The following LYRM4 variants were observed in gnomAD, a reference collection of about 807,000 sequenced individuals.
LYRM4 encodes LYR motif-containing protein 4.
LYRM4 carries 9 observed loss-of-function variants against 11.7 expected under a neutral mutation model. The ratio of observed to expected loss-of-function variants is 0.77; its 90% CI spans 0.46 to 1.34. The LOEUF is 1.34. Ranked by LOEUF, LYRM4 falls within the 40% of genes most tolerant of loss-of-function variation. The pLI, the probability that LYRM4 is intolerant of heterozygous loss-of-function variation, is 0.00. For synonymous variants in LYRM4, 42 were observed against 40.4 expected (o/e 1.04, Z -0.15); for missense variants, 133 against 112.5 (o/e 1.18, Z -0.82).
At chr6:5,135,591 C>T (rs1384958921) in intron 2 of LYRM4, among the ~76,000 whole-genome samples, 1 of 151,072 alleles carries the variant, frequency 6.6e-6, no homozygotes, top group Non-Finnish European at 1.5e-5. Flanking sequence ...GGGAATGGAA[C>T]TGGCTCCCTA....
chr6:5,196,160 GCCTCTGCCCAGGGCAGTGGACTC>G (rs1761042219), intron 2 of LYRM4, among the ~76,000 whole-genome samples: 2 of 152,186 alleles, frequency 1.3e-5, no homozygotes, highest in Non-Finnish European at 2.9e-5. Flanking sequence ...CCGCAGCACT[GCCTCTGCCCAGGGCAGTGGACTC>G]CCTCTGCCTT....
intron 1 of LYRM4, among the ~76,000 whole-genome samples, chr6:5,231,930 TTG>T (rs1190255939): frequency 6.6e-6 from 1 of 152,206 alleles, no homozygotes; most frequent in African/African-American, 2.4e-5. Flanking sequence ...CAGTAGGTGT[TTG>T]TGTGTTAGGA....
chr6:5,055,026 A>G, the LYRM4 span, among the ~76,000 whole-genome samples: 1 of 152,124 alleles, frequency 6.6e-6, no homozygotes, highest in Non-Finnish European at 1.5e-5. This position sits in a 1 kb window ranked among gnomAD's most constrained non-coding sequence, Gnocchi z 4.5. Flanking sequence ...AGAGACATTC[A>G]CTGCTTATTC....
At chr6:5,119,794 C>CAAA (rs968606439) in intron 2 of LYRM4, among the ~76,000 whole-genome samples, 893 of 16,872 alleles carry the variant, frequency 0.053, 119 homozygotes, top group African/African-American at 0.1. Context: ...GTCTCCATAA[C>CAAA]AAAAAAAAAA....
chr6:5,214,494 G>A (rs545518307), intron 2 of LYRM4, among the ~76,000 whole-genome samples: 14 of 152,272 alleles, frequency 9.2e-5, no homozygotes, highest in East Asian at 1.9e-4. Context: ...GGGGTTGAAC[G>A]GGGCAGTGGC....
intron 2 of LYRM4, chr6:5,113,208 G>A: frequency 2.9e-6 from 1 of 349,794 alleles, no homozygotes; most frequent in Non-Finnish European, 5.8e-6. Context: ...GTCGAGACGG[G>A]TGGATCACGA....
chr6:5,233,040 C>T lies in LYRM4; in HGVS notation c.87-16302G>A, dbSNP rs193009584. Among the ~76,000 whole-genome samples the T allele has an allele frequency of 3.9e-5, 6 of 152,356 alleles. No individual in the cohort carries two copies. In the East Asian group the frequency reaches 1.2e-3, roughly 29 times the overall value. On this transcript the variant is annotated intron_variant, in intron 1 of 2. Coordinates refer to ENST00000330636, the MANE Select transcript of LYRM4 (RefSeq NM_020408.6). ...GTATTTATCACAATACTTAAGAGGG[C>T]TCTCATCCATGGATTAGCACACAAA...
At chr6:5,086,080 C>T in the LYRM4 span, 1 of 1,468,354 alleles carries the variant, frequency 6.8e-7, no homozygotes, top group Non-Finnish European at 8.9e-7. Flanking sequence ...CCGGCTCCGG[C>T]CGCTCTTCCA....
the LYRM4 span, chr6:5,086,802 G>C: frequency 1.8e-6 from 1 of 551,604 alleles, no homozygotes; most frequent in Admixed American, 3.5e-5. Context: ...TCGTCCGTTT[G>C]ACCTTCCTAC....
chr6:5,168,699 T>C (rs1759236741), intron 2 of LYRM4, among the ~76,000 whole-genome samples: 1 of 152,130 alleles, frequency 6.6e-6, no homozygotes, highest in Admixed American at 6.5e-5. Context: ...GAGAAATTTG[T>C]ATTGGATTGT....
At chr6:5,110,073 T>C (rs2127593242) in intron 2 of LYRM4, among the ~76,000 whole-genome samples, 1 of 152,340 alleles carries the variant, frequency 6.6e-6, no homozygotes, top group Non-Finnish European at 1.5e-5. Context: ...ATGCCCAATG[T>C]TTCCACTGTC....
intron 1 of LYRM4, among the ~76,000 whole-genome samples, chr6:5,238,891 T>C (rs1763702750): frequency 6.6e-6 from 1 of 152,208 alleles, no homozygotes; most frequent in African/African-American, 2.4e-5. Flanking sequence ...TGGGCTCTCA[T>C]TCAGCATTTA....
At chr6:5,181,047 A>G (rs1238643148) in intron 2 of LYRM4, among the ~76,000 whole-genome samples, 2 of 152,200 alleles carry the variant, frequency 1.3e-5, no homozygotes, top group African/African-American at 4.8e-5. Flanking sequence ...TTCTTCATTT[A>G]ATTTTTTGAA....
chr6:5,074,586 G>A, the LYRM4 span, among the ~76,000 whole-genome samples: 5 of 151,256 alleles, frequency 3.3e-5, no homozygotes, highest in Non-Finnish European at 7.4e-5. Flanking sequence ...GCAATTTCAT[G>A]ATAACACTTG....
At chr6:5,136,447 A>G in intron 2 of LYRM4, 1 of 976,466 alleles carries the variant, frequency 1.0e-6, no homozygotes, top group South Asian at 4.7e-5. Context: ...CCTGGTTTAA[A>G]CACCTGCTCT....
Position 5,220,474 on chromosome 6 carries a change from C to T in LYRM4, c.87-3736G>A, listed in dbSNP as rs530690745. On this transcript the variant is annotated intron_variant, in intron 1 of 2. Transcript: ENST00000330636. ...AACCTGAACTCAAGTATCCTAGGAA[C>T]AATAAAAGCTGAATCCTTTCTACTG... 5.3e-5 allele frequency among the ~76,000 whole-genome samples: 8 copies of T among 152,312 alleles called. No homozygotes were observed. The East Asian group carries it at 1.5e-3, about 29-fold the overall frequency.
At chr6:5,252,680 G>A (rs1332422674) in intron 1 of LYRM4, among the ~76,000 whole-genome samples, 1 of 152,032 alleles carries the variant, frequency 6.6e-6, no homozygotes, top group African/African-American at 2.4e-5. Flanking sequence ...TGATATAAAC[G>A]TAATGAAGTT....
chr6:5,200,303 C>G (rs960362130), intron 2 of LYRM4, among the ~76,000 whole-genome samples: 2 of 152,162 alleles, frequency 1.3e-5, no homozygotes, highest in African/African-American at 4.8e-5. Flanking sequence ...CAGATGAGGA[C>G]TCCACTCTCG....
At chr6:5,202,011 G>C (rs1210376653) in intron 2 of LYRM4, among the ~76,000 whole-genome samples, 3 of 152,176 alleles carry the variant, frequency 2.0e-5, no homozygotes, top group Non-Finnish European at 4.4e-5. Context: ...CCTCTTTCAT[G>C]AAATGATCCA....
Sources: gnomAD v4.1 joint callset for allele counts (sites outside exome capture counted in the v4.1 genomes callset) on GRCh38, gnomAD v4.1.1 for gene constraint, Gnocchi (gnomAD v3.1) non-coding constraint, MANE v1.5 for transcripts, NCBI Gene and HGNC (gene_info 2026-07-23, HGNC 2026-07-21) for gene names.